IDUA: variants seen among roughly 807,000 people sequenced by gnomAD.
IDUA encodes alpha-L-iduronidase, also known as iduronidase alpha-L-.
Under a neutral mutation model 68.9 loss-of-function variants are expected in IDUA, and 65 were observed. The ratio of observed to expected loss-of-function variants is 0.94; its 90% CI spans 0.77 to 1.16. IDUA has a LOEUF of 1.16. IDUA is among the 50% of genes most tolerant of loss of function. The pLI, the probability that IDUA is intolerant of heterozygous loss-of-function variation, is 0.00. For missense variants in IDUA, 1,046 were observed against 938.0 expected (o/e 1.12, Z -1.50); for synonymous variants, 529 against 433.6 (o/e 1.22, Z -2.73).
intron 2 of IDUA, among the ~76,000 whole-genome samples, chr4:999,257 C>T (rs1213930150): frequency 6.6e-6 from 1 of 151,946 alleles, no homozygotes; most frequent in Non-Finnish European, 1.5e-5. Flanking sequence ...CAGCTCAGAA[C>T]CTTGAAAGGG....
chr4:1,003,862 G>A (rs1489773460), intron 12 of IDUA, 150 bp from the exon 13 acceptor site: 1 of 842,232 alleles, frequency 1.2e-6, no homozygotes, highest in Non-Finnish European at 2.0e-6. Context: ...GCCCTCTCCT[G>A]CCTGGGCAGG....
intron 12 of IDUA, 63 bp downstream of exon 12, chr4:1,003,688 C>G (rs1459986237): frequency 1.3e-6 from 2 of 1,575,962 alleles, no homozygotes; most frequent in Non-Finnish European, 1.7e-6. Context: ...GTCCCGACCC[C>G]TTCACCCATG....
At position 989,065 on chromosome 4, in the gene IDUA, G is replaced by A. The variant is rs1198278863; in HGVS notation, c.299+1116G>A. 2 of 1,588,518 alleles carry A rather than the reference G, an allele frequency of 1.3e-6. No individual in the cohort carries two copies. The highest frequency in any genetic ancestry group is 2.3e-5 in the East Asian group (1 of 43,134). ...CAGGTCCTGCAGCGTGCTCACACCG[G>A]CTGCGTCTAGGAACAGCAGCGGGGC... On this transcript the variant is annotated intron_variant, in intron 2 of 13. Coordinates refer to ENST00000514224, the MANE Select transcript of IDUA (RefSeq NM_000203.5).
intron 2 of IDUA, chr4:992,825 T>C (rs575418924): frequency 6.6e-6 from 1 of 152,434 alleles, no homozygotes; most frequent in Non-Finnish European, 1.5e-5. Context: ...CAGACTCCAA[T>C]GTACTTTCAC....
At position 989,527 on chromosome 4, in the gene IDUA, G is replaced by A. The variant is rs377075470; in HGVS notation, c.299+1578G>A. ...GGCCGCGGTGCCTGCCCAGACCAGC[G>A]CGTCAGCCGGGCTCATCCGCCACAG... On this transcript the variant is annotated intron_variant, in intron 2 of 13. Transcript: ENST00000514224. 16 of 1,555,568 alleles carry A rather than the reference G, an allele frequency of 1.0e-5. No homozygotes were observed. The African/African-American group carries it at 1.1e-4, about 11-fold the overall frequency.
At chr4:1,001,268 G>A (rs930455663) in intron 4 of IDUA, 200 bp from the exon 5 acceptor site, 14 of 597,788 alleles carry the variant, frequency 2.3e-5, no homozygotes, top group Admixed American at 2.2e-4. Context: ...CACCCAGGCC[G>A]CACCCCTATC....
intron 2 of IDUA, 102 bp from the exon 3 acceptor site, chr4:1,000,510 C>T: frequency 1.1e-6 from 1 of 923,864 alleles, no homozygotes; most frequent in Non-Finnish European, 1.8e-6. Flanking sequence ...TCCTGTGTGG[C>T]ACCTTGCAGG....
Position 1,003,112 on chromosome 4 carries a change from C to G in IDUA, c.1479C>G (p.Pro493=), listed in dbSNP as rs370394527. 2.8e-5 allele frequency: 43 copies of G among 1,512,936 alleles called. 1 individual carries two copies. The highest frequency in any genetic ancestry group is 1.7e-4 in the Middle Eastern group (1 of 5,716). The allele number at this position is 1,512,936 out of a possible 1,614,324, so 93.7% of individuals were successfully genotyped here. Residue 493 remains proline, a synonymous_variant, in exon 10 of 14, where the codon CCC becomes CCG. Transcript: ENST00000514224. Reference sequence around the variant, plus strand: ...GCGAGTGGCGGCGCCTGGGCCGGCCCGTCTTCCCCACGGCAGAGCAGTTCC... The same window carrying G: ...GCGAGTGGCGGCGCCTGGGCCGGCCGGTCTTCCCCACGGCAGAGCAGTTCC... ...PDGEWRRLGR[P]VFPTAEQFRR...
At chr4:993,340 C>G (rs897146297) in intron 2 of IDUA, 2 of 152,180 alleles carry the variant, frequency 1.3e-5, no homozygotes, top group East Asian at 1.9e-4. Flanking sequence ...CCTGGGATGA[C>G]GAGGGGCTGG....
At position 1,002,925 on chromosome 4, in the gene IDUA, C is replaced by T; in HGVS notation, c.1383C>T (p.Arg461=). Residue 461 remains arginine (R), a synonymous_variant, in exon 9 of 14, where the codon CGC becomes CGT. Coordinates refer to ENST00000514224, the MANE Select transcript of IDUA (RefSeq NM_000203.5). ...NRSVAVTLRL[R]GVPPGPGLVY... Reference sequence around the variant, plus strand: ...GCGTCGCGGTGACCCTGCGGCTGCGCGGGGTGCCCCCCGGCCCGGGTAAGC... The same window carrying T: ...GCGTCGCGGTGACCCTGCGGCTGCGTGGGGTGCCCCCCGGCCCGGGTAAGC... The T allele has an allele frequency of 7.3e-7, 1 of 1,362,904 alleles. No homozygotes were observed. Among genetic ancestry groups the T allele is most frequent in the Non-Finnish European group, 9.4e-7 (1 of 1,065,932 alleles). 84.4% of individuals were successfully genotyped at this position (1,362,904 alleles called of 1,614,324 possible).
At chr4:989,972 T>C in intron 2 of IDUA, 1 of 1,557,032 alleles carries the variant, frequency 6.4e-7, no homozygotes, top group Non-Finnish European at 8.7e-7. Flanking sequence ...CCCGTGGGGA[T>C]GTCGCCAGCC....
In IDUA at chr4:1,003,572, C is replaced by A. The variant is rs767943753; in HGVS notation, c.1674C>A (p.Pro558=). The A allele has an allele frequency of 9.3e-6, 15 of 1,612,172 alleles. No individual in the cohort carries two copies. Among genetic ancestry groups the A allele is most frequent in the Non-Finnish European group, 1.2e-5 (14 of 1,179,816 alleles). Residue 558 remains proline (P), a synonymous_variant, in exon 12 of 14, where the codon CCC becomes CCA. Transcript: ENST00000514224. ...PGQVTRLRAL[P]LTQGQLVLVW... ...AGGTCACGCGGCTCCGCGCCCTGCC[C>A]CTGACCCAAGGGCAGCTGGTTCTGG...
chr4:1,002,040 G>C lies in IDUA; in HGVS notation c.851G>C (p.Arg284Pro), dbSNP rs1209648267. 3.1e-6 allele frequency: 5 copies of C among 1,598,398 alleles called. No homozygotes were observed. Among genetic ancestry groups the C allele is most frequent in the South Asian group, 1.1e-5 (1 of 88,186 alleles). ...GAGAAGGTCGTCGCGCAGCAGATCC[G>C]GCAGCTCTTCCCCAAGTTCGCGGAC... is the stretch of plus-strand genomic sequence containing the variant. ...EQEKVVAQQIRQLFPKFADTP... is the reference protein window; with the variant it reads ...EQEKVVAQQIPQLFPKFADTP... Residue 284 changes from arginine to proline, a missense_variant, in exon 7 of 14, where the codon CGG becomes CCG. By Grantham distance (103) the Arg-to-Pro change is moderately radical. Transcript: ENST00000514224.
At chr4:996,621 G>A (rs1003827152) in intron 2 of IDUA, among the ~76,000 whole-genome samples, 2 of 152,224 alleles carry the variant, frequency 1.3e-5, no homozygotes, top group Non-Finnish European at 2.9e-5. Context: ...TCTTCTGCAG[G>A]CATTGGGCCT....
Position 1,002,344 on chromosome 4 carries a change from A to G in IDUA, c.1048A>G (p.Asn350Asp), listed in dbSNP as rs747827435. Residue 350 changes from asparagine (N) to aspartate (D), a missense_variant, in exon 8 of 14, where the codon AAT (asparagine) becomes GAT (aspartate). Coordinates refer to ENST00000514224, the MANE Select transcript of IDUA (RefSeq NM_000203.5). ...CCCCTACGCGCTCCTGAGCAACGAC[A>G]ATGCCTTCCTGAGCTACCACCCGCA... ...AFPYALLSND[N>D]AFLSYHPHPF... 6 of 1,613,154 alleles carry G rather than the reference A, an allele frequency of 3.7e-6. No homozygotes were observed. Among genetic ancestry groups the G allele is most frequent in the African/African-American group, 2.7e-5 (2 of 75,040 alleles).
intron 10 of IDUA, 44 bp downstream of exon 10, chr4:1,003,201 T>TC: frequency 1.8e-6 from 1 of 542,738 alleles, no homozygotes; most frequent in South Asian, 3.7e-5. Context: ...CGGGCCGGGG[T>TC]CCCGGGGGGG....
At chr4:989,182 C>A in intron 2 of IDUA, 1 of 1,607,396 alleles carries the variant, frequency 6.2e-7, no homozygotes, top group Non-Finnish European at 8.5e-7. Context: ...CTGGGCAGGG[C>A]CTCCCTCACC....
chr4:1,001,969 G>A lies in IDUA; in HGVS notation c.793-13G>A, dbSNP rs2153022144. ...CGCTGACCCTGGTGGTGCTGAGGCG[G>A]CCCCGCCCGCAGGGTGCGCGCAGCT... On this transcript the variant is annotated splice_polypyrimidine_tract_variant and intron_variant, in intron 6 of 13. Coordinates refer to ENST00000514224, the MANE Select transcript of IDUA (RefSeq NM_000203.5). 1.3e-6 allele frequency: 2 copies of A among 1,575,774 alleles called. No homozygotes were observed. The highest frequency in any genetic ancestry group is 1.7e-6 in the Non-Finnish European group (2 of 1,162,352).
chr4:998,716 ACTCCAAGCTCATCCACCCGC>A (rs1484714697), intron 2 of IDUA, among the ~76,000 whole-genome samples: 2 of 151,968 alleles, frequency 1.3e-5, no homozygotes, highest in East Asian at 3.9e-4. Context: ...GACCAGTCTC[ACTCCAAGCTCATCCACCCGC>A]CTAGCTGCCC....
Sources: allele counts gnomAD v4.1 joint callset (sites outside exome capture counted in the v4.1 genomes callset), GRCh38; gene constraint gnomAD v4.1.1; transcripts MANE v1.5; gene names NCBI Gene and HGNC (gene_info 2026-07-23, HGNC 2026-07-21).